The following GFRA1 variants were observed in gnomAD, a reference collection of about 807,000 sequenced individuals.
GFRA1 encodes the protein GDNF family receptor alpha-1.
A neutral mutation model predicts 51.6 loss-of-function variants in GFRA1; 16 were observed. That is an observed-to-expected ratio of 0.31 (90% confidence interval 0.21 to 0.47). The LOEUF (loss-of-function observed/expected upper bound fraction) is 0.47. GFRA1 is among the 20% of genes least tolerant of loss of function. GFRA1 has a pLI of 1.00. For missense variants in GFRA1, 530 were observed against 594.3 expected (o/e 0.89, Z 1.13); for synonymous variants, 270 against 241.3 (o/e 1.12, Z -1.10).
At chr10:116,111,841 A>T (rs1957225236) in intron 6 of GFRA1, among the ~76,000 whole-genome samples, 1 of 152,192 alleles carries the variant, frequency 6.6e-6, no homozygotes. Flanking sequence ...CCACGGCCCC[A>T]GAGCAAAGGC....
At position 116,061,874 on chromosome 10, in the gene GFRA1, G is replaced by C. The variant is rs1291529796; in HGVS notation, c.*2524C>G. On this transcript the variant is annotated 3_prime_UTR_variant, in exon 11 of 11. Transcript: ENST00000355422. ...GTGTCAAACTAAGATCACACTGAAT[G>C]GCGGAAACCTTGCTTGGCTTGCTTT... The C allele has an allele frequency of 2.5e-6, 1 of 397,396 alleles. No individual in the cohort carries two copies. The highest frequency in any genetic ancestry group is 4.4e-6 in the Non-Finnish European group (1 of 225,774). The allele number at this position is 397,396 out of a possible 1,614,324, so 24.6% of individuals were successfully genotyped here.
intron 4 of GFRA1, among the ~76,000 whole-genome samples, chr10:116,235,302 G>A (rs535166696): frequency 1.3e-5 from 2 of 152,322 alleles, no homozygotes; most frequent in African/African-American, 4.8e-5. Context: ...TTTTTAGGCT[G>A]TTGAAGTTTG....
At chr10:116,122,248 C>T (rs1031015115) in intron 6 of GFRA1, among the ~76,000 whole-genome samples, 3 of 152,206 alleles carry the variant, frequency 2.0e-5, no homozygotes, top group African/African-American at 7.2e-5. Flanking sequence ...GTGGCAGCAG[C>T]ACAGACACGC....
chr10:116,274,244 G>C (rs948167150), upstream of GFRA1, among the ~76,000 whole-genome samples: 3 of 151,808 alleles, frequency 2.0e-5, no homozygotes, highest in South Asian at 6.3e-4. Context: ...CACTGGGTCG[G>C]GAGACCGGTC....
intron 6 of GFRA1, among the ~76,000 whole-genome samples, chr10:116,108,056 G>C (rs757563214): frequency 6.6e-6 from 1 of 152,040 alleles, no homozygotes; most frequent in African/African-American, 2.4e-5. Context: ...GCCCTGGGAG[G>C]GGGTGGGGAA....
intron 2 of GFRA1, 36 bp downstream of exon 2, chr10:116,271,954 A>T: frequency 1.3e-6 from 2 of 1,522,630 alleles, no homozygotes; most frequent in South Asian, 2.4e-5. Flanking sequence ...GGAAAGACTC[A>T]GAGGGTAAGA....
At chr10:116,248,642 T>C (rs1968067408) in intron 4 of GFRA1, among the ~76,000 whole-genome samples, 1 of 152,192 alleles carries the variant, frequency 6.6e-6, no homozygotes, top group Non-Finnish European at 1.5e-5. Context: ...TGCAAAGCAC[T>C]TTGTTATGTG....
At chr10:116,208,939 TC>T (rs1964987366) in intron 5 of GFRA1, among the ~76,000 whole-genome samples, 1 of 152,174 alleles carries the variant, frequency 6.6e-6, no homozygotes, top group Non-Finnish European at 1.5e-5. Flanking sequence ...ACTTTGGAAT[TC>T]CTGAGAGCTA....
intron 6 of GFRA1, among the ~76,000 whole-genome samples, chr10:116,116,943 T>G (rs191491964): frequency 1.7e-3 from 261 of 152,326 alleles, no homozygotes; most frequent in African/African-American, 6.0e-3. Flanking sequence ...TGGCCAGAAT[T>G]ATCATTCTGG....
chr10:116,091,106 T>G (rs1956315129), intron 8 of GFRA1, among the ~76,000 whole-genome samples: 1 of 152,246 alleles, frequency 6.6e-6, no homozygotes, highest in African/African-American at 2.4e-5. Context: ...CCCTTGCTTT[T>G]GCTTAAAACA....
At chr10:116,173,329 T>G (rs1344720707) in intron 5 of GFRA1, among the ~76,000 whole-genome samples, 1 of 152,134 alleles carries the variant, frequency 6.6e-6, no homozygotes, top group Non-Finnish European at 1.5e-5. Context: ...ATGACAGTCC[T>G]AAGGCTGTGT....
chr10:116,137,403 TTTAG>T lies in GFRA1; in HGVS notation c.434-11850_434-11847del, dbSNP rs1958374680. ...ATAAGCTAAATATCAGGTCTTTATT[TTTAG>T]TTAAAGAGCATAAAATTCAATGCCT... On this transcript the variant is annotated intron_variant, in intron 5 of 10. Coordinates refer to ENST00000355422, the MANE Select transcript of GFRA1 (RefSeq NM_005264.8). Among the ~76,000 whole-genome samples, 5 of 152,278 alleles carry T rather than the reference TTTAG, an allele frequency of 3.3e-5. No homozygotes were observed. In the South Asian group the frequency reaches 1.0e-3, roughly 32 times the overall value.
At chr10:116,111,536 G>A (rs1005913368) in intron 6 of GFRA1, among the ~76,000 whole-genome samples, 2 of 152,012 alleles carry the variant, frequency 1.3e-5, no homozygotes, top group Non-Finnish European at 2.9e-5. Context: ...CCCCATATCC[G>A]ACCTGGGCTG....
At chr10:116,215,124 C>A (rs1210937835) in intron 4 of GFRA1, among the ~76,000 whole-genome samples, 1 of 152,118 alleles carries the variant, frequency 6.6e-6, no homozygotes, top group African/African-American at 2.4e-5. Context: ...TCATTCCATT[C>A]TTACTATTAT....
intron 5 of GFRA1, among the ~76,000 whole-genome samples, chr10:116,139,312 A>G (rs931469826): frequency 2.6e-5 from 4 of 152,226 alleles, no homozygotes; most frequent in Non-Finnish European, 5.9e-5. Flanking sequence ...ACTACATCAA[A>G]TAAGATCCCA....
chr10:116,120,797 C>G (rs2530340), intron 6 of GFRA1, among the ~76,000 whole-genome samples: 127,450 of 152,132 alleles, frequency 0.84, 56,353 homozygotes, highest in East Asian at 0.98. Flanking sequence ...TGTCACTCAG[C>G]CACCCAAGGA....
At chr10:116,110,128 A>G (rs1457530089) in intron 6 of GFRA1, among the ~76,000 whole-genome samples, 3 of 152,214 alleles carry the variant, frequency 2.0e-5, no homozygotes, top group Non-Finnish European at 4.4e-5. Flanking sequence ...GGTCAAGTGC[A>G]GAGGAATCAG....
intron 6 of GFRA1, among the ~76,000 whole-genome samples, chr10:116,120,592 T>C (rs931569190): frequency 5.3e-5 from 8 of 151,896 alleles, no homozygotes; most frequent in Non-Finnish European, 7.4e-5. Flanking sequence ...CTCTAAAAAA[T>C]AATAATTAAA....
At chr10:116,092,356 C>T (rs1028535287) in intron 8 of GFRA1, among the ~76,000 whole-genome samples, 5 of 152,096 alleles carry the variant, frequency 3.3e-5, no homozygotes, top group Admixed American at 3.3e-4. Flanking sequence ...TTCCTATCAA[C>T]AAAGTAAATG....
Sources: allele counts gnomAD v4.1 joint callset (sites outside exome capture counted in the v4.1 genomes callset), GRCh38; gene constraint gnomAD v4.1.1; transcripts MANE v1.5; gene names NCBI Gene and HGNC (gene_info 2026-07-23, HGNC 2026-07-21).